NPAS2: variants seen among roughly 807,000 people sequenced by gnomAD.
NPAS2 encodes the protein neuronal PAS domain protein 2, also known as neuronal PAS domain-containing protein 2.
In NPAS2, 23 loss-of-function variants were observed where a neutral mutation model predicts 107.5. The ratio of observed to expected loss-of-function variants is 0.21; its 90% CI spans 0.15 to 0.30. NPAS2 has a LOEUF of 0.30. NPAS2 is among the 10% of genes least tolerant of loss of function. The pLI is 1.00. For missense variants in NPAS2, 756 were observed against 1,043.3 expected, an observed-to-expected ratio of 0.72 and a Z score of 3.79; for synonymous variants, 403 against 417.5, an observed-to-expected ratio of 0.97 and a Z score of 0.42.
chr2:100,918,072 A>ATATT (rs1450045780), intron 2 of NPAS2, among the ~76,000 whole-genome samples: 1 of 150,998 alleles, frequency 6.6e-6, no homozygotes, highest in African/African-American at 2.4e-5. Flanking sequence ...ATATATTTAT[A>ATATT]TATATTTTAA....
At chr2:100,913,001 A>G (rs1682648481) in intron 2 of NPAS2, among the ~76,000 whole-genome samples, 1 of 152,210 alleles carries the variant, frequency 6.6e-6, no homozygotes. Context: ...TAGGTGCCGA[A>G]CGAGGATGAG....
intron 1 of NPAS2, among the ~76,000 whole-genome samples, chr2:100,842,031 C>T (rs1179256518): frequency 6.6e-6 from 1 of 151,178 alleles, no homozygotes; most frequent in Non-Finnish European, 1.5e-5. Flanking sequence ...CATGTATGCA[C>T]ACCATATACA....
chr2:100,884,455 G>A (rs954937222), intron 1 of NPAS2, among the ~76,000 whole-genome samples: 15 of 152,104 alleles, frequency 9.9e-5, no homozygotes, highest in Non-Finnish European at 1.8e-4. Context: ...TCTCTGATAC[G>A]GACCAGTTCT....
intron 14 of NPAS2, among the ~76,000 whole-genome samples, chr2:100,975,880 AT>A (rs1676962299): frequency 6.6e-6 from 1 of 152,154 alleles, no homozygotes; most frequent in African/African-American, 2.4e-5. Flanking sequence ...CACAATTAGG[AT>A]TCTTCTGTTT....
At chr2:100,963,115 T>TA (rs1437292403) in intron 7 of NPAS2, among the ~76,000 whole-genome samples, 1 of 152,120 alleles carries the variant, frequency 6.6e-6, no homozygotes, top group African/African-American at 2.4e-5. Context: ...CCTCTGGGGG[T>TA]GACCCCTAAA....
rs1228314180 is a variant in NPAS2 at position 100,926,383 on chromosome 2, A to T, written c.181+1089A>T. Among the ~76,000 whole-genome samples the T allele has an allele frequency of 2.0e-5, 3 of 152,334 alleles. No individual in the cohort carries two copies. In the East Asian group the frequency reaches 5.8e-4, roughly 29 times the overall value. ...TCCAAGGTGGCTTGTACCTATTTATATTCCCAGCAGCAATGTATGAGGGTT... is the reference window on the plus strand; with the variant it reads ...TCCAAGGTGGCTTGTACCTATTTATTTTCCCAGCAGCAATGTATGAGGGTT... On this transcript the variant is annotated intron_variant, in intron 3 of 20. Transcript: ENST00000335681.
intron 5 of NPAS2, among the ~76,000 whole-genome samples, chr2:100,943,600 C>T (rs1394358593): frequency 1.3e-5 from 2 of 152,180 alleles, no homozygotes; most frequent in Non-Finnish European, 2.9e-5. Flanking sequence ...GGGGGCTGCA[C>T]GTGGGAAAAG....
rs79706626 is a variant in NPAS2, at chr2:100,882,803, G to A, written c.-22-21930G>A. Among the ~76,000 whole-genome samples, 701 of 152,200 alleles carry A rather than the reference G, an allele frequency of 4.6e-3. 28 individuals are homozygous for A. The East Asian group carries it at 0.1, about 22-fold the overall frequency. The stretch of plus-strand genomic sequence containing the variant: ...CTCTGTCTCTGTCTCTCTCTCACAC[G>A]CACACATGCACGCACACACATGCCA... On this transcript the variant is annotated intron_variant, in intron 1 of 20. Transcript: ENST00000335681.
At chr2:100,873,275 C>T (rs993645041) in intron 1 of NPAS2, among the ~76,000 whole-genome samples, 14 of 77,184 alleles carry the variant, frequency 1.8e-4, no homozygotes, top group East Asian at 5.2e-4. Flanking sequence ...AAAAAAAATA[C>T]ATATATATAT....
intron 5 of NPAS2, among the ~76,000 whole-genome samples, chr2:100,946,065 C>T (rs986269111): frequency 3.3e-5 from 5 of 152,200 alleles, no homozygotes; most frequent in Non-Finnish European, 7.3e-5. Context: ...TACAGGAAAA[C>T]GTTACTGTGG....
intron 5 of NPAS2, among the ~76,000 whole-genome samples, chr2:100,945,253 C>G (rs1040242677): frequency 2.0e-5 from 3 of 152,184 alleles, no homozygotes; most frequent in African/African-American, 7.2e-5. Flanking sequence ...AGCCACCAAG[C>G]TGTGTCCACT....
intron 1 of NPAS2, chr2:100,878,152 C>T: frequency 1.0e-6 from 1 of 985,362 alleles, no homozygotes; most frequent in East Asian, 1.1e-4. Context: ...CAGAAGACAG[C>T]CTCCAGGGAC....
At chr2:100,962,821 G>A (rs1266418449) in intron 7 of NPAS2, 2 of 152,242 alleles carry the variant, frequency 1.3e-5, no homozygotes, top group Non-Finnish European at 2.9e-5. Context: ...AGACTCTGCC[G>A]AGGCTACTGC....
chr2:100,992,253 A>C (rs1277429690), intron 19 of NPAS2, among the ~76,000 whole-genome samples: 2 of 152,222 alleles, frequency 1.3e-5, no homozygotes, highest in East Asian at 3.8e-4. Flanking sequence ...CATCTCTACT[A>C]AAAATACAAA....
intron 15 of NPAS2, among the ~76,000 whole-genome samples, chr2:100,979,510 T>TTTA (rs1309118380): frequency 9.2e-5 from 11 of 119,356 alleles, no homozygotes; most frequent in African/African-American, 3.6e-4. Context: ...ATATTTTTTT[T>TTTA]TTTTTTTTTT....
intron 1 of NPAS2, among the ~76,000 whole-genome samples, chr2:100,869,103 A>AC (rs34541976): frequency 6.8e-6 from 1 of 147,184 alleles, no homozygotes; most frequent in Non-Finnish European, 1.5e-5. Context: ...TAATTTTTGT[A>AC]TTTTTTTTTT....
intron 17 of NPAS2, 48 bp from the exon 18 acceptor site, chr2:100,990,208 C>T (rs1434901038): frequency 1.3e-6 from 2 of 1,579,298 alleles, no homozygotes; most frequent in African/African-American, 1.3e-5. Flanking sequence ...GAGAGATGGC[C>T]CAGGGTTGAG....
chr2:100,935,085 C>T (rs554889061), intron 4 of NPAS2: 1 of 982,564 alleles, frequency 1.0e-6, no homozygotes, highest in East Asian at 1.1e-4. Flanking sequence ...ACAAAATTGA[C>T]CTGGCTGAAA....
chr2:100,938,520 G>A (rs959865004), intron 5 of NPAS2, among the ~76,000 whole-genome samples: 23 of 87,262 alleles, frequency 2.6e-4, no homozygotes, highest in African/African-American at 9.6e-4. Flanking sequence ...CTTTCCCTCC[G>A]TTCCTTCCCT....
Sources: gnomAD v4.1 joint callset for allele counts (sites outside exome capture counted in the v4.1 genomes callset) on GRCh38, gnomAD v4.1.1 for gene constraint, MANE v1.5 for transcripts, NCBI Gene and HGNC (gene_info 2026-07-23, HGNC 2026-07-21) for gene names.